The following F13A1 variants were observed in gnomAD, a reference collection of about 807,000 sequenced individuals.
The protein encoded by F13A1 is coagulation factor XIII A chain.
A neutral mutation model predicts 80.1 loss-of-function variants in F13A1; 47 were observed. That is an observed-to-expected ratio of 0.59 (90% CI 0.46 to 0.75). F13A1 has a LOEUF of 0.75. Among genes scored for constraint, F13A1 ranks in the 30% least tolerant of loss-of-function variants. The probability of loss-of-function intolerance (pLI) is 0.00; values close to 1 mark genes in which losing one functional copy is unlikely to be tolerated. For synonymous variants in F13A1, 349 were observed against 344.9 expected (o/e 1.01, Z -0.13); for missense variants, 817 against 930.4 (o/e 0.88, Z 1.59).
intron 2 of F13A1, among the ~76,000 whole-genome samples, chr6:6,306,911 C>T (rs978333599): frequency 4.6e-5 from 7 of 152,292 alleles, no homozygotes; most frequent in African/African-American, 1.2e-4. Flanking sequence ...TAGTCAAAAC[C>T]AAGAAGTTGG....
rs1757517713 is a variant in F13A1 at position 6,243,750 on chromosome 6, C to T, written c.798+4562G>A. On this transcript the variant is annotated intron_variant, in intron 6 of 14. Coordinates refer to ENST00000264870, the MANE Select transcript of F13A1 (RefSeq NM_000129.4). This position sits in a 1 kb window ranked among gnomAD's most constrained non-coding sequence, Gnocchi z 4.2. ...CTCACCCAGAAGACTCTTGGAGAGT[C>T]CTCCCCATTGCACACGCTGGTTCAG... Among the ~76,000 whole-genome samples, 1 of 152,168 alleles carries T rather than the reference C, an allele frequency of 6.6e-6. No individual in the cohort carries two copies. The highest frequency in any genetic ancestry group is 2.1e-4 in the South Asian group (1 of 4,832).
intron 13 of F13A1, among the ~76,000 whole-genome samples, chr6:6,154,163 G>T (rs547643450): frequency 1.4e-5 from 2 of 144,704 alleles, no homozygotes; most frequent in African/African-American, 2.6e-5. Context: ...AAAAAAAAAC[G>T]GCAGTCAGAA....
chr6:6,269,357 T>C (rs552443786), intron 3 of F13A1, among the ~76,000 whole-genome samples: 56 of 152,202 alleles, frequency 3.7e-4, no homozygotes, highest in Non-Finnish European at 7.1e-4. Context: ...CTCTGCTCCA[T>C]CTGTGGGAAA....
At chr6:6,314,007 G>GTTTT in intron 2 of F13A1, among the ~76,000 whole-genome samples, 1 of 85,932 alleles carries the variant, frequency 1.2e-5, no homozygotes, top group African/African-American at 5.0e-5. Context: ...TTGAAACGGA[G>GTTTT]TCTTGGTCTT....
At chr6:6,258,512 T>C (rs1249035335) in intron 4 of F13A1, among the ~76,000 whole-genome samples, 1 of 152,168 alleles carries the variant, frequency 6.6e-6, no homozygotes, top group Non-Finnish European at 1.5e-5. Context: ...AATGTGTCTC[T>C]GCATTAGACA....
intron 8 of F13A1, among the ~76,000 whole-genome samples, chr6:6,210,182 A>C (rs553699390): frequency 6.6e-6 from 1 of 151,766 alleles, no homozygotes; most frequent in African/African-American, 2.4e-5. Context: ...GTGAGTCATG[A>C]TCTTGCCATT....
chr6:6,194,139 G>C lies in F13A1; in HGVS notation c.1305+1658C>G, dbSNP rs148110218. ...GCTTGGAGGGATGACCAGCCCTCTA[G>C]ATGTTCCCCACAACTTCATAACAAC... On this transcript the variant is annotated intron_variant, in intron 10 of 14. Transcript: ENST00000264870. Among the ~76,000 whole-genome samples the C allele has an allele frequency of 1.4e-4, 22 of 152,216 alleles. 1 individual carries two copies. The East Asian group carries it at 4.3e-3, about 29-fold the overall frequency.
Position 6,182,093 on chromosome 6 carries a change from CAT to C in F13A1, c.1352_1353del (p.His451ArgfsTer29), listed in dbSNP as rs1561645895. Reference protein sequence around the residue: ...IYITAKKDGTHVVENVDATHI... With the variant: ...IYITAKKDGTXVVENVDATHI... ...TGGGTGGCATCCACATTTTCCACCA[CAT>C]GAGTGCCATCTTTCTTAGCTGTAAT... On this transcript the variant is annotated frameshift_variant, in exon 11 of 15. Coordinates refer to ENST00000264870, the MANE Select transcript of F13A1 (RefSeq NM_000129.4). LOFTEE classifies it high-confidence loss of function. 6.2e-7 allele frequency: 1 copy of C among 1,614,202 alleles called. No homozygotes were observed.
At chr6:6,181,479 C>T (rs1389525538) in intron 11 of F13A1, among the ~76,000 whole-genome samples, 1 of 152,134 alleles carries the variant, frequency 6.6e-6, no homozygotes, top group Non-Finnish European at 1.5e-5. Context: ...TGAAACTGGC[C>T]TTCGACCTAA....
At chr6:6,244,275 A>G (rs1674059) in intron 6 of F13A1, among the ~76,000 whole-genome samples, 91,629 of 152,158 alleles carry the variant, frequency 0.6, 28,981 homozygotes, top group African/African-American at 0.77. Context: ...AAATGCATTG[A>G]AAAGAAAGCA....
At chr6:6,275,699 T>C (rs9328348) in intron 3 of F13A1, among the ~76,000 whole-genome samples, 50,015 of 152,090 alleles carry the variant, frequency 0.33, 8,417 homozygotes, top group South Asian at 0.43. Flanking sequence ...GATACAGCCA[T>C]GAACCAAACA....
At chr6:6,278,265 T>C (rs1313260401) in intron 3 of F13A1, among the ~76,000 whole-genome samples, 1 of 151,970 alleles carries the variant, frequency 6.6e-6, no homozygotes, top group Non-Finnish European at 1.5e-5. Context: ...ACATGATACG[T>C]CAAACGGAGA....
rs1761284232 is a variant in F13A1, at chr6:6,195,993, A to G, written c.1217-108T>C. ...GACTCTGTAAAGACCAGTGTTCCCA[A>G]CTTCATTGCTGATTTAGCCCAGATG... On this transcript the variant is annotated intron_variant, in intron 9 of 14. Transcript: ENST00000264870. 3.9e-6 allele frequency: 4 copies of G among 1,020,196 alleles called. No homozygotes were observed. In the South Asian group the frequency reaches 4.1e-5, roughly 10 times the overall value. 63.2% of individuals were successfully genotyped at this position (1,020,196 alleles called of 1,614,324 possible). A position where few individuals can be genotyped will look rare whatever the true frequency, so the allele number is the denominator to read the frequency against.
chr6:6,260,305 T>G (rs1757760820), intron 4 of F13A1, among the ~76,000 whole-genome samples: 1 of 152,184 alleles, frequency 6.6e-6, no homozygotes, highest in African/African-American at 2.4e-5. Flanking sequence ...CAGCTGAGCA[T>G]TCTCCTATCA....
At chr6:6,239,060 TA>T (rs2113084918) in intron 6 of F13A1, among the ~76,000 whole-genome samples, 1 of 152,292 alleles carries the variant, frequency 6.6e-6, no homozygotes, top group Non-Finnish European at 1.5e-5. Context: ...AGAATGTTTA[TA>T]GTAACTGTAT....
chr6:6,147,729 A>G (rs1024781927), intron 14 of F13A1, among the ~76,000 whole-genome samples: 2 of 152,244 alleles, frequency 1.3e-5, no homozygotes, highest in African/African-American at 4.8e-5. Flanking sequence ...TCTCTTACTC[A>G]TAAAACCATC....
intron 2 of F13A1, among the ~76,000 whole-genome samples, chr6:6,310,118 A>T (rs1758569212): frequency 6.6e-6 from 1 of 152,236 alleles, no homozygotes; most frequent in Non-Finnish European, 1.5e-5. Context: ...TCAGTCCATC[A>T]TGGCATAGTG....
chr6:6,158,925 G>A (rs1198970805), intron 13 of F13A1, among the ~76,000 whole-genome samples: 4 of 145,938 alleles, frequency 2.7e-5, no homozygotes, highest in Admixed American at 6.9e-5. Flanking sequence ...TTTTCGAGAC[G>A]GAGTCTTGCT....
At position 6,181,988 on chromosome 6, in the gene F13A1, C is replaced by G; in HGVS notation, c.1459G>C (p.Gly487Arg). The G allele has an allele frequency of 6.2e-7, 1 of 1,614,130 alleles. No individual in the cohort carries two copies. Among genetic ancestry groups the G allele is most frequent in the Non-Finnish European group, 8.5e-7 (1 of 1,180,020 alleles). The change falls in exon 11 of 15, where the codon GGT becomes CGT. Residue 487 changes from glycine to arginine, a missense_variant and splice_region_variant. By Grantham distance (125) the Gly-to-Arg change is moderately radical. Coordinates refer to ENST00000264870, the MANE Select transcript of F13A1 (RefSeq NM_000129.4). ...DITDTYKFQE[G>R]QEEERLALET... is the part of the protein sequence containing the mutation. ...TCTTCATTCAGTGGTAGTAAATTAC[C>G]TTCTTGGAATTTGTAAGTATCAGTA...
Sources: gnomAD v4.1 joint callset for allele counts (sites outside exome capture counted in the v4.1 genomes callset) on GRCh38, gnomAD v4.1.1 for gene constraint, Gnocchi (gnomAD v3.1) non-coding constraint, MANE v1.5 for transcripts, NCBI Gene and HGNC (gene_info 2026-07-23, HGNC 2026-07-21) for gene names.